The following CYFIP1 variants were observed in gnomAD, a reference collection of about 807,000 sequenced individuals.
CYFIP1 encodes cytoplasmic FMR1-interacting protein 1.
Under a neutral mutation model 163.5 loss-of-function variants are expected in CYFIP1, and 58 were observed. The ratio of observed to expected loss-of-function variants is 0.35; its 90% CI spans 0.29 to 0.44. The LOEUF is 0.44. CYFIP1 is among the 20% of genes least tolerant of loss of function. The pLI, the probability that CYFIP1 is intolerant of heterozygous loss-of-function variation, is 1.00. For missense variants in CYFIP1, 1,338 were observed against 1,653.8 expected, an observed-to-expected ratio of 0.81 and a Z score of 3.31; for synonymous variants, 663 against 660.7, an observed-to-expected ratio of 1.00 and a Z score of -0.05.
intron 18 of CYFIP1, 70 bp from the exon 19 acceptor site, chr15:22,910,883 A>G (rs1312597150): frequency 1.9e-5 from 27 of 1,391,152 alleles, no homozygotes; most frequent in Middle Eastern, 2.1e-4. Context: ...GGTGAAAAAC[A>G]AAATGTTTCG....
At chr15:22,905,755 G>GTTTTTTT (rs11418194) in intron 21 of CYFIP1, among the ~76,000 whole-genome samples, 1 of 146,166 alleles carries the variant, frequency 6.8e-6, no homozygotes. Context: ...TCTTATTTCT[G>GTTTTTTT]TTTTTTTTTT....
chr15:22,879,126 ACTC>A (rs1187328566), intron 26 of CYFIP1, among the ~76,000 whole-genome samples: 10 of 136,108 alleles, frequency 7.3e-5, no homozygotes, highest in African/African-American at 2.9e-4. Flanking sequence ...ACAGAGCAAG[ACTC>A]CGTCTCAAAA....
intron 14 of CYFIP1, among the ~76,000 whole-genome samples, chr15:22,918,229 G>A (rs2061059782): frequency 6.6e-6 from 1 of 152,182 alleles, no homozygotes; most frequent in South Asian, 2.1e-4. Flanking sequence ...GGCAGGGAGA[G>A]GGCAGAACAC....
chr15:22,926,180 A>G, intron 12 of CYFIP1, 73 bp from the exon 13 acceptor site: 1 of 1,594,614 alleles, frequency 6.3e-7, no homozygotes, highest in Non-Finnish European at 8.6e-7. Context: ...GACTCACACG[A>G]TGGTGGCCAA....
intron 1 of CYFIP1, among the ~76,000 whole-genome samples, chr15:22,961,660 A>T (rs57863897): frequency 6.6e-6 from 1 of 151,928 alleles, no homozygotes; most frequent in African/African-American, 2.4e-5. Flanking sequence ...AAATTACAGG[A>T]ACGAGCCACT....
At chr15:22,879,780 A>C (rs2059696580) in intron 26 of CYFIP1, 133 bp downstream of exon 26, 3 of 150,444 alleles carry the variant, frequency 2.0e-5, no homozygotes, top group Non-Finnish European at 3.4e-5. Context: ...CAACAGCCAC[A>C]AAAAAAAAAA....
At chr15:22,980,537 G>C (rs1037914962), upstream of CYFIP1, among the ~76,000 whole-genome samples, 2 of 151,834 alleles carry the variant, frequency 1.3e-5, no homozygotes, top group African/African-American at 2.4e-5. Flanking sequence ...GCCGCCGAAG[G>C]TGTCCTCCCA....
chr15:22,921,784 A>AGAT (rs1555409978), intron 13 of CYFIP1, among the ~76,000 whole-genome samples: 1 of 142,210 alleles, frequency 7.0e-6, no homozygotes, highest in Non-Finnish European at 1.5e-5. Context: ...AAAAAAAAAA[A>AGAT]AGAAGCACGA....
intron 6 of CYFIP1, among the ~76,000 whole-genome samples, chr15:22,942,528 C>T (rs1424951019): frequency 6.6e-6 from 1 of 152,170 alleles, no homozygotes; most frequent in Non-Finnish European, 1.5e-5. Context: ...CCATCGGCCA[C>T]CCACTGCCCC....
intron 1 of CYFIP1, among the ~76,000 whole-genome samples, chr15:22,979,328 C>T (rs1002209773): frequency 2.4e-4 from 36 of 152,180 alleles, no homozygotes; most frequent in Admixed American, 1.3e-3. Context: ...AGCTGTCAAG[C>T]ATAGCAATGT....
At chr15:22,974,080 T>C (rs1489871673) in intron 1 of CYFIP1, among the ~76,000 whole-genome samples, 6 of 152,148 alleles carry the variant, frequency 3.9e-5, no homozygotes, top group Non-Finnish European at 8.8e-5. Flanking sequence ...TTGGTGGAGA[T>C]GTAAATCAGT....
chr15:22,880,104 G>A, intron 25 of CYFIP1, 61 bp from the exon 26 acceptor site: 6 of 1,604,758 alleles, frequency 3.7e-6, no homozygotes, highest in Non-Finnish European at 2.5e-6. Context: ...CTAGCAGCCT[G>A]GGTCCACAGC....
intron 1 of CYFIP1, among the ~76,000 whole-genome samples, chr15:22,965,036 TTGTGTGTGTGTGTGTGTG>T (rs56857768): frequency 2.0e-5 from 3 of 149,514 alleles, no homozygotes; most frequent in Non-Finnish European, 4.5e-5. Context: ...TAGTATTCCA[TTGTGTGTGTGTGTGTGTG>T]TGTGTGTGTG....
Position 22,909,255 on chromosome 15 carries a change from A to G in CYFIP1, c.2327T>C (p.Met776Thr), listed in dbSNP as rs752413374. ...RLITQRVSAAMYKSLELAIGR... is the reference protein window; with the variant it reads ...RLITQRVSAATYKSLELAIGR... ...AATCGCCAGTTCTAGGGACTTATACATGGCTGCTGAGACGCGCTGGGTGAT... is the reference window on the plus strand; with the variant it reads ...AATCGCCAGTTCTAGGGACTTATACGTGGCTGCTGAGACGCGCTGGGTGAT... The change falls in exon 21 of 31, where the codon ATG becomes ACG. Residue 776 changes from methionine (M) to threonine (T), a missense_variant. Physicochemically the swap from Met to Thr is moderately conservative, Grantham distance 81. This residue lies in a region of CYFIP1 where 824 missense variants were observed against 995.7 expected (regional missense o/e 0.83). Transcript: ENST00000617928. 17 of 1,614,074 alleles carry G rather than the reference A, an allele frequency of 1.1e-5. No individual in the cohort carries two copies. The highest frequency in any genetic ancestry group is 1.7e-5 in the Admixed American group (1 of 59,996).
At chr15:22,941,090 C>CT (rs1187531704) in intron 6 of CYFIP1, among the ~76,000 whole-genome samples, 4 of 152,142 alleles carry the variant, frequency 2.6e-5, no homozygotes, top group Non-Finnish European at 5.9e-5. Context: ...GGGTCTCACT[C>CT]TGTCACCCAG....
At chr15:22,906,462 A>AT (rs58360718) in intron 21 of CYFIP1, among the ~76,000 whole-genome samples, 89 of 87,500 alleles carry the variant, frequency 1.0e-3, no homozygotes, top group Admixed American at 1.6e-3. Flanking sequence ...AGCAACTACT[A>AT]TTTTTTTTTT....
chr15:22,874,314 G>A (rs904920538), intron 28 of CYFIP1, among the ~76,000 whole-genome samples: 1 of 152,234 alleles, frequency 6.6e-6, no homozygotes, highest in African/African-American at 2.4e-5. Flanking sequence ...TGTCTTCTGT[G>A]TAAGCCTTAC....
In CYFIP1 at chr15:22,867,922, A is replaced by C. The variant is rs565547292; in HGVS notation, c.*2106T>G. 1 of 152,352 alleles carries C rather than the reference A, an allele frequency of 6.6e-6. No individual in the cohort carries two copies. The highest frequency in any genetic ancestry group is 2.1e-4 in the South Asian group (1 of 4,826). 9.4% of individuals were successfully genotyped at this position (152,352 alleles called of 1,614,324 possible). ...GTAGAATAATAAAAAAGGTCTAATG[A>C]ACTCCATTCAGCTTTGAACCTATCC... On this transcript the variant is annotated 3_prime_UTR_variant, in exon 31 of 31. Coordinates refer to ENST00000617928, the MANE Select transcript of CYFIP1 (RefSeq NM_014608.6).
chr15:22,954,838 C>T (rs530206294), intron 1 of CYFIP1, among the ~76,000 whole-genome samples: 2 of 152,272 alleles, frequency 1.3e-5, no homozygotes, highest in African/African-American at 4.8e-5. Context: ...CAAAGGAGGA[C>T]ATCATCATAC....
Sources: gnomAD v4.1 joint callset for allele counts (sites outside exome capture counted in the v4.1 genomes callset) on GRCh38, gnomAD v4.1.1 for gene constraint, gnomAD v4.1.1 regional missense constraint, MANE v1.5 for transcripts, NCBI Gene and HGNC (gene_info 2026-07-23, HGNC 2026-07-21) for gene names.